Variants in ETV4 observed in about 807,000 individuals in gnomAD.
The protein encoded by ETV4 is ETS translocation variant 4.
A neutral mutation model predicts 65.9 loss-of-function variants in ETV4; 42 were observed. The observed-to-expected ratio is 0.64, with a 90% CI of 0.50 to 0.82. ETV4 has a LOEUF of 0.82. Ranked by LOEUF, ETV4 falls within the 40% of genes least tolerant of loss-of-function variation. The pLI is 0.00. For missense variants in ETV4, 583 were observed against 630.3 expected, an observed-to-expected ratio of 0.92 and a Z score of 0.80; for synonymous variants, 238 against 260.0, an observed-to-expected ratio of 0.92 and a Z score of 0.81.
At chr17:43,537,075 A>G (rs1782788553) in intron 4 of ETV4, among the ~76,000 whole-genome samples, 1 of 152,214 alleles carries the variant, frequency 6.6e-6, no homozygotes, top group African/African-American at 2.4e-5. Flanking sequence ...TAAAAATCAC[A>G]TAGGAGGCGG....
At chr17:43,546,030 A>G (rs1285486344) in intron 1 of ETV4, 155 bp downstream of exon 1, 3 of 234,814 alleles carry the variant, frequency 1.3e-5, no homozygotes, top group South Asian at 5.7e-5. Flanking sequence ...TCGCATGCCC[A>G]CAACTCCCGC....
chr17:43,538,200 C>T (rs1480427115), intron 4 of ETV4, among the ~76,000 whole-genome samples: 6 of 150,900 alleles, frequency 4.0e-5, no homozygotes, highest in Non-Finnish European at 8.8e-5. Context: ...CCAACTATTC[C>T]GGAGGCTGAG....
rs779254537 is a variant in ETV4 at position 43,532,775 on chromosome 17, G to A, written c.710C>T (p.Ala237Val). The change falls in exon 8 of 13, where the codon GCG becomes GTG. Residue 237 changes from alanine to valine, a missense_variant. Ala to Val is a moderately conservative substitution (Grantham distance 64, BLOSUM62 0). Transcript: ENST00000319349. The part of the protein sequence containing the change: ...QEYHDPLYEQ[A>V]GQPAVDQGGV... ...ACCCTGGTCCACGGCTGGCTGGCCC[G>A]CCTGTTCATACAGGGGATCATGGTA... 6.9e-5 allele frequency: 112 copies of A among 1,613,888 alleles called. No individual in the cohort carries two copies. Among genetic ancestry groups the A allele is most frequent in the Non-Finnish European group, 8.7e-5 (103 of 1,179,998 alleles).
Position 43,532,693 on chromosome 17 carries a change from C to T in ETV4, c.792G>A (p.Thr264=), listed in dbSNP as rs774978942. 3.7e-6 allele frequency: 6 copies of T among 1,612,760 alleles called. No homozygotes were observed. Among genetic ancestry groups the T allele is most frequent in the African/African-American group, 2.7e-5 (2 of 74,864 alleles). Residue 264 remains threonine (T), a synonymous_variant, in exon 8 of 13, where the codon ACG becomes ACA. Coordinates refer to ENST00000319349, the MANE Select transcript of ETV4 (RefSeq NM_001079675.5). ...TCTTACCTGAGTCGTAGGCGAAGTCCGTCTGTTCCTGTTTGATCACCACCC... is the reference window on the plus strand; with the variant it reads ...TCTTACCTGAGTCGTAGGCGAAGTCTGTCTGTTCCTGTTTGATCACCACCC... The part of the protein sequence containing the change: ...GAGVVIKQEQ[T]DFAYDSDVTG...
At chr17:43,540,447 T>A (rs1971465518) in intron 4 of ETV4, among the ~76,000 whole-genome samples, 1 of 152,160 alleles carries the variant, frequency 6.6e-6, no homozygotes, top group African/African-American at 2.4e-5. Context: ...AGTGAGACCC[T>A]GTCTCAAATA....
intron 5 of ETV4, among the ~76,000 whole-genome samples, chr17:43,535,797 G>A (rs1377956591): frequency 2.6e-5 from 4 of 152,176 alleles, no homozygotes; most frequent in Non-Finnish European, 5.9e-5. Context: ...ATTGTCCCCA[G>A]TTTATGGAAG....
chr17:43,536,770 A>T (rs563452492), intron 4 of ETV4, among the ~76,000 whole-genome samples: 114 of 152,392 alleles, frequency 7.5e-4, no homozygotes, highest in African/African-American at 2.6e-3. Context: ...CCCTGGGCTG[A>T]AAGTGGCCCA....
At position 43,545,350 on chromosome 17, in the gene ETV4, C is replaced by G. The variant is rs1355145290; in HGVS notation, c.78G>C (p.Gly26=). The G allele has an allele frequency of 2.5e-6, 4 of 1,602,400 alleles. No homozygotes were observed. Among genetic ancestry groups the G allele is most frequent in the Middle Eastern group, 1.7e-4 (1 of 6,022 alleles). ...YTFSSKSPGN[G]SLREALIGPL... is the part of the protein sequence containing the mutation. ...GGCCGATCAGCGCTTCGCGCAAGCT[C>G]CCATTTCCGGGCGATTTCTGCGAGA... Residue 26 remains glycine (G), a synonymous_variant, in exon 3 of 13, where the codon GGG becomes GGC. Transcript: ENST00000319349.
In ETV4 at chr17:43,530,123, T is replaced by G; in HGVS notation, c.870A>C (p.Pro290=). The stretch of plus-strand genomic sequence containing the variant: ...CTGCCTTACCCATGGCCCCGTCACC[T>G]GGAGAGGGCCCAGAGAAGCCCTCTG... ...LHTEGFSGPS[P]GDGAMGYGYE... The change falls in exon 9 of 13, where the codon CCA becomes CCC. Residue 290 remains proline, a synonymous_variant. Transcript: ENST00000319349. 6.3e-7 allele frequency: 1 copy of G among 1,579,636 alleles called. No homozygotes were observed. Among genetic ancestry groups the G allele is most frequent in the Non-Finnish European group, 8.6e-7 (1 of 1,162,502 alleles).
chr17:43,530,055 C>T, intron 9 of ETV4, 52 bp downstream of exon 9: 3 of 1,609,966 alleles, frequency 1.9e-6, no homozygotes, highest in African/African-American at 1.3e-5. Flanking sequence ...CCCATGGCAG[C>T]GCTCCCTCCC....
intron 4 of ETV4, among the ~76,000 whole-genome samples, chr17:43,537,570 C>T (rs894733724): frequency 4.0e-5 from 6 of 150,908 alleles, no homozygotes; most frequent in East Asian, 3.9e-4. Flanking sequence ...GCGGTGGGCA[C>T]CTGTAATCCC....
chr17:43,540,566 T>A (rs1244679241), intron 4 of ETV4, among the ~76,000 whole-genome samples: 1 of 152,186 alleles, frequency 6.6e-6, no homozygotes, highest in Non-Finnish European at 1.5e-5. Flanking sequence ...AAATCTATTA[T>A]AAGGAAGTCT....
chr17:43,531,648 CGA>C (rs1055604402), intron 8 of ETV4, among the ~76,000 whole-genome samples: 7 of 152,124 alleles, frequency 4.6e-5, no homozygotes, highest in African/African-American at 1.7e-4. Flanking sequence ...CCAGCCTGGG[CGA>C]GAGAGCAAGA....
At chr17:43,529,091 G>A (rs1203471936) in intron 12 of ETV4, 44 bp downstream of exon 12, 1 of 1,582,758 alleles carries the variant, frequency 6.3e-7, no homozygotes. Context: ...GCTTCTCACA[G>A]CCACTGCCCC....
At chr17:43,530,877 C>T (rs915452429) in intron 8 of ETV4, among the ~76,000 whole-genome samples, 1 of 152,022 alleles carries the variant, frequency 6.6e-6, no homozygotes, top group Non-Finnish European at 1.5e-5. Context: ...AACATGACAC[C>T]TCCGGGAGGA....
At position 43,530,361 on chromosome 17, in the gene ETV4, G is replaced by A. The variant is rs1158237787; in HGVS notation, c.812-180C>T. The A allele has an allele frequency of 2.1e-6, 3 of 1,459,068 alleles. No individual in the cohort carries two copies. The Admixed American group carries it at 7.6e-5, about 37-fold the overall frequency. The allele number at this position is 1,459,068 out of a possible 1,614,324, so 90.4% of individuals were successfully genotyped here. On this transcript the variant is annotated intron_variant, in intron 8 of 12. Transcript: ENST00000319349. ...CAGGGAAAGTTCACCCAGAGGGAGTGTGATGCTGGAACCCCTCCTCAACTT... is the reference window on the plus strand; with the variant it reads ...CAGGGAAAGTTCACCCAGAGGGAGTATGATGCTGGAACCCCTCCTCAACTT...
At chr17:43,534,669 G>A (rs1567711011) in intron 5 of ETV4, among the ~76,000 whole-genome samples, 1 of 152,168 alleles carries the variant, frequency 6.6e-6, no homozygotes, top group Non-Finnish European at 1.5e-5. Context: ...GCCGGGCGCG[G>A]TGGCTCACGC....
chr17:43,535,581 G>A (rs964473107), intron 5 of ETV4, among the ~76,000 whole-genome samples: 2 of 152,240 alleles, frequency 1.3e-5, no homozygotes, highest in Admixed American at 1.3e-4. Flanking sequence ...CCAGCCTAAA[G>A]CAGGGTTTCT....
rs774626442 is a variant in ETV4, at chr17:43,529,097, G to GC, written c.1230+37dup. 3.1e-6 allele frequency: 5 copies of GC among 1,592,528 alleles called. No homozygotes were observed. In the South Asian group the frequency reaches 3.3e-5, roughly 11 times the overall value. On this transcript the variant is annotated intron_variant, in intron 12 of 12. Transcript: ENST00000319349. ...CCCCAGTCAGCTTCTCACAGCCACTGCCCCCCACCACCTTGTCCCTAGACC... is the reference window on the plus strand; with the variant it reads ...CCCCAGTCAGCTTCTCACAGCCACTGCCCCCCCACCACCTTGTCCCTAGACC...
Sources: gnomAD v4.1 joint callset for allele counts (sites outside exome capture counted in the v4.1 genomes callset) on GRCh38, gnomAD v4.1.1 for gene constraint, MANE v1.5 for transcripts, NCBI Gene and HGNC (gene_info 2026-07-23, HGNC 2026-07-21) for gene names.